ZRANB3: variants seen among roughly 807,000 people sequenced by gnomAD.
ZRANB3 encodes DNA annealing helicase and endonuclease ZRANB3.
Under a neutral mutation model 133.8 loss-of-function variants are expected in ZRANB3, and 125 were observed. The observed-to-expected ratio is 0.93, with a 90% CI of 0.81 to 1.08. The LOEUF (loss-of-function observed/expected upper bound fraction) is 1.08. ZRANB3 is among the 50% of genes least tolerant of loss of function. The pLI is 0.00. For missense variants in ZRANB3, 1,229 were observed against 1,275.5 expected, an observed-to-expected ratio of 0.96 and a Z score of 0.56; for synonymous variants, 387 against 432.7, an observed-to-expected ratio of 0.89 and a Z score of 1.31.
At position 135,448,043 on chromosome 2, in the gene ZRANB3, G is replaced by A. The variant is rs551681909; in HGVS notation, c.161+56286C>T. Among the ~76,000 whole-genome samples, 11 of 152,176 alleles carry A rather than the reference G, an allele frequency of 7.2e-5. No homozygotes were observed. In the South Asian group the frequency reaches 2.1e-3, roughly 29 times the overall value. The stretch of plus-strand genomic sequence containing the variant: ...TTTGCCTCCTGGACAGAACAGACCC[G>A]ACTTCCCAAATATGTATGCTAAATT... On this transcript the variant is annotated intron_variant, in intron 2 of 20. Transcript: ENST00000264159.
chr2:135,468,916 A>T (rs1360553816), intron 2 of ZRANB3, among the ~76,000 whole-genome samples: 1 of 152,196 alleles, frequency 6.6e-6, no homozygotes, highest in African/African-American at 2.4e-5. Flanking sequence ...AAAATTATCA[A>T]GAATTATCTC....
At chr2:135,403,128 C>T (rs1217353771) in intron 2 of ZRANB3, among the ~76,000 whole-genome samples, 1 of 152,082 alleles carries the variant, frequency 6.6e-6, no homozygotes, top group Non-Finnish European at 1.5e-5. Flanking sequence ...GTGCAGTGCA[C>T]CCAGCAGGAG....
At chr2:135,432,393 CA>C (rs1574095226) in intron 2 of ZRANB3, among the ~76,000 whole-genome samples, 2 of 152,102 alleles carry the variant, frequency 1.3e-5, no homozygotes, top group East Asian at 3.8e-4. Context: ...TTAATGCTTT[CA>C]ATAAGTTATA....
intron 2 of ZRANB3, among the ~76,000 whole-genome samples, chr2:135,501,110 C>T (rs1420784329): frequency 2.6e-5 from 4 of 152,060 alleles, no homozygotes; most frequent in Admixed American, 2.0e-4. Flanking sequence ...AGTGAAACTA[C>T]AGAACTCCAA....
At chr2:135,516,495 G>A (rs1285944669) in intron 1 of ZRANB3, among the ~76,000 whole-genome samples, 1 of 152,180 alleles carries the variant, frequency 6.6e-6, no homozygotes, top group Non-Finnish European at 1.5e-5. Flanking sequence ...TTGCTTGTCT[G>A]TAAAGGATTT....
At chr2:135,443,684 G>A (rs999897700) in intron 2 of ZRANB3, among the ~76,000 whole-genome samples, 2 of 151,984 alleles carry the variant, frequency 1.3e-5, no homozygotes, top group East Asian at 1.9e-4. Flanking sequence ...AGACAAATCC[G>A]ACGTGAGGGA....
chr2:135,529,388 G>C (rs77203369), intron 1 of ZRANB3, among the ~76,000 whole-genome samples: 3 of 152,136 alleles, frequency 2.0e-5, no homozygotes, highest in Non-Finnish European at 2.9e-5. Flanking sequence ...AGGGCCTTAC[G>C]TGCTAAGATT....
chr2:135,452,069 G>A (rs981243668), intron 2 of ZRANB3, among the ~76,000 whole-genome samples: 10 of 152,118 alleles, frequency 6.6e-5, no homozygotes, highest in Non-Finnish European at 1.0e-4. Context: ...TACCAAAACT[G>A]GGAAGAAATA....
At chr2:135,285,801 A>AG (rs1299420771) in intron 8 of ZRANB3, among the ~76,000 whole-genome samples, 1 of 152,232 alleles carries the variant, frequency 6.6e-6, no homozygotes, top group Non-Finnish European at 1.5e-5. Context: ...TTGAATTGAG[A>AG]GATGGCTAGA....
chr2:135,483,247 T>C (rs528474275), intron 2 of ZRANB3, among the ~76,000 whole-genome samples: 20 of 152,138 alleles, frequency 1.3e-4, no homozygotes, highest in Non-Finnish European at 2.5e-4. Context: ...CATCTGGTCC[T>C]GGACTCTTTT....
intron 8 of ZRANB3, among the ~76,000 whole-genome samples, chr2:135,308,920 TA>T (rs1012282759): frequency 6.6e-5 from 10 of 151,696 alleles, no homozygotes; most frequent in Non-Finnish European, 1.3e-4. Flanking sequence ...AACAAACTAG[TA>T]AAAAAAGGAA....
chr2:135,365,390 G>T (rs1055351309), intron 3 of ZRANB3, among the ~76,000 whole-genome samples: 1 of 152,134 alleles, frequency 6.6e-6, no homozygotes, highest in Admixed American at 6.5e-5. Context: ...TATCTAATTT[G>T]CACCTTGCTT....
At chr2:135,251,598 T>A (rs1336410017) in intron 12 of ZRANB3, among the ~76,000 whole-genome samples, 3 of 152,148 alleles carry the variant, frequency 2.0e-5, no homozygotes, top group African/African-American at 7.2e-5. Context: ...AGTGAATAAG[T>A]CTCATGAGAC....
At chr2:135,327,862 T>C (rs1423513426) in intron 6 of ZRANB3, among the ~76,000 whole-genome samples, 4 of 152,116 alleles carry the variant, frequency 2.6e-5, no homozygotes, top group African/African-American at 9.7e-5. Flanking sequence ...ATTATGTATT[T>C]TAGTTACTGA....
chr2:135,205,447 T>A (rs1425631967), intron 19 of ZRANB3, among the ~76,000 whole-genome samples: 2 of 152,018 alleles, frequency 1.3e-5, no homozygotes, highest in African/African-American at 2.4e-5. Context: ...TTTTTCAGGT[T>A]TTTTTTCTTT....
chr2:135,391,060 T>C (rs2043759), intron 2 of ZRANB3, among the ~76,000 whole-genome samples: 40,677 of 152,012 alleles, frequency 0.27, 9,135 homozygotes, highest in African/African-American at 0.6. Context: ...GGGGTTTCAC[T>C]ATGTTGCTTA....
At chr2:135,231,714 G>A (rs1336175819) in intron 12 of ZRANB3, among the ~76,000 whole-genome samples, 3 of 152,130 alleles carry the variant, frequency 2.0e-5, no homozygotes, top group African/African-American at 4.8e-5. Flanking sequence ...CTGGAGCCTC[G>A]GAGGTTGAGG....
chr2:135,211,838 T>C (rs1032330263), intron 17 of ZRANB3, among the ~76,000 whole-genome samples: 3 of 152,208 alleles, frequency 2.0e-5, no homozygotes, highest in Non-Finnish European at 4.4e-5. Flanking sequence ...GATATCGTTA[T>C]ATATGATGTT....
intron 18 of ZRANB3, 64 bp downstream of exon 18, chr2:135,208,804 T>C: frequency 7.2e-7 from 1 of 1,380,718 alleles, no homozygotes; most frequent in Non-Finnish European, 1.0e-6. Flanking sequence ...ATTATGAAAA[T>C]CAATACATAA....
Sources: allele counts gnomAD v4.1 joint callset (sites outside exome capture counted in the v4.1 genomes callset), GRCh38; gene constraint gnomAD v4.1.1; transcripts MANE v1.5; gene names NCBI Gene and HGNC (gene_info 2026-07-23, HGNC 2026-07-21).